The following PRPF40B variants were observed in gnomAD, a reference collection of about 807,000 sequenced individuals.
PRPF40B encodes the protein pre-mRNA-processing factor 40 homolog B.
In PRPF40B, 56 loss-of-function variants were observed where a neutral mutation model predicts 124.5. The observed-to-expected ratio is 0.45, with a 90% CI of 0.36 to 0.56. The LOEUF is 0.56. Among genes scored for constraint, PRPF40B ranks in the 20% least tolerant of loss-of-function variants. The pLI is 0.00. For synonymous variants in PRPF40B, 443 were observed against 426.4 expected, an observed-to-expected ratio of 1.04 and a Z score of -0.48; for missense variants, 1,053 against 1,169.5, an observed-to-expected ratio of 0.90 and a Z score of 1.45.
At chr12:49,634,131 C>CA in intron 10 of PRPF40B, 39 bp downstream of exon 10, 1 of 1,599,448 alleles carries the variant, frequency 6.3e-7, no homozygotes, top group African/African-American at 1.3e-5. Context: ...ATGTTGGCCT[C>CA]AGACTCCCAG....
rs936054893 is a variant in PRPF40B, at chr12:49,634,644, AGCTGT to A, written c.1001+46_1001+50del. On this transcript the variant is annotated intron_variant, in intron 12 of 25. Coordinates refer to ENST00000548825, the MANE Select transcript of PRPF40B (RefSeq NM_001031698.3). ...GGAGCCAGGCCCTGTTCATGAGAGC[AGCTGT>A]GCTAGGGACTCCCTAAAAAACCCCA... 1.1e-5 allele frequency: 17 copies of A among 1,612,290 alleles called. No individual in the cohort carries two copies. The African/African-American group carries it at 2.1e-4, about 20-fold the overall frequency.
chr12:49,635,590 C>A lies in PRPF40B; in HGVS notation c.1275+117C>A, dbSNP rs1848411122. 1.9e-6 allele frequency: 2 copies of A among 1,073,680 alleles called. No homozygotes were observed. Among genetic ancestry groups the A allele is most frequent in the African/African-American group, 1.6e-5 (1 of 63,006 alleles). The allele number at this position is 1,073,680 out of a possible 1,614,324, so 66.5% of individuals were successfully genotyped here. A position where few individuals can be genotyped will look rare whatever the true frequency, so the allele number is the denominator to read the frequency against. ...ACTTCCCCAGTGTCCCAGCTTCTGA[C>A]TTGGAAGCTGGTATGGGACTTGCAC... On this transcript the variant is annotated intron_variant, in intron 14 of 25. Transcript: ENST00000548825. The surrounding 1 kb of genome is among the most constrained non-coding windows in gnomAD (Gnocchi z 4.1).
At chr12:49,623,053 C>CTTT (rs76184248), upstream of PRPF40B, among the ~76,000 whole-genome samples, 1 of 139,984 alleles carries the variant, frequency 7.1e-6, no homozygotes, top group Non-Finnish European at 1.6e-5. Context: ...GGGGATTTGT[C>CTTT]TTTTTTTTTT....
Position 49,642,639 on chromosome 12 carries a change from G to A in PRPF40B, c.2082G>A (p.Arg694=). Residue 694 remains arginine (R), a synonymous_variant, in exon 21 of 26, where the codon CGG becomes CGA. Transcript: ENST00000548825. This position sits in a 1 kb window ranked among gnomAD's most constrained non-coding sequence, Gnocchi z 5.8. ...AGCAGATCACCCTGGAGTCGGAGCG[G>A]ATCCGGCTCTTCCGGGAGTTCCTAC... ...AFEQITLESE[R]IRLFREFLQV... is the part of the protein sequence containing the mutation. 1 of 1,614,226 alleles carries A rather than the reference G, an allele frequency of 6.2e-7. No homozygotes were observed. The highest frequency in any genetic ancestry group is 8.5e-7 in the Non-Finnish European group (1 of 1,180,044).
Position 49,644,315 on chromosome 12 carries a change from C to A in PRPF40B, c.*123C>A. On this transcript the variant is annotated 3_prime_UTR_variant, in exon 26 of 26. Coordinates refer to ENST00000548825, the MANE Select transcript of PRPF40B (RefSeq NM_001031698.3). The stretch of plus-strand genomic sequence containing the variant: ...TCCACTTTTTCTAAAGTAACCCCAC[C>A]CCCAGCACACCATTGTTGGCACCTC... 2.8e-6 allele frequency: 3 copies of A among 1,063,176 alleles called. No homozygotes were observed. Among genetic ancestry groups the A allele is most frequent in the South Asian group, 1.4e-5 (1 of 70,130 alleles). 65.9% of individuals were successfully genotyped at this position (1,063,176 alleles called of 1,614,324 possible).
rs376648517 is a variant in PRPF40B, at chr12:49,632,996, G to GCCCC, written c.349-10_349-7dup. 2.6e-6 allele frequency: 3 copies of GCCCC among 1,148,382 alleles called. No individual in the cohort carries two copies. The highest frequency in any genetic ancestry group is 3.1e-5 in the East Asian group (1 of 32,446). 71.1% of individuals were successfully genotyped at this position (1,148,382 alleles called of 1,614,324 possible). A position where few individuals can be genotyped will look rare whatever the true frequency, so the allele number is the denominator to read the frequency against. On this transcript the variant is annotated splice_polypyrimidine_tract_variant and intron_variant, in intron 6 of 25. Coordinates refer to ENST00000548825, the MANE Select transcript of PRPF40B (RefSeq NM_001031698.3). ...AAAGGGGCCTTGACCACCATTCTGT[G>GCCCC]CCCCCCCCCCCACCCAGAGGGCCCT...
chr12:49,633,751 G>A, intron 9 of PRPF40B, 90 bp downstream of exon 9: 1 of 1,607,538 alleles, frequency 6.2e-7, no homozygotes, highest in Non-Finnish European at 8.5e-7. Context: ...ACTGTGGGAG[G>A]AAGAGCCAGC....
In PRPF40B at chr12:49,643,313, C is replaced by A; in HGVS notation, c.2296C>A (p.Pro766Thr). ...GAACCCCTCAGAGTCAGGCTCTGAG[C>A]CCTCTTCCTCACTTGATTCAGTTGA... The part of the protein sequence containing the change: ...RRNPSESGSE[P>T]SSSLDSVESG... Residue 766 changes from proline to threonine, a missense_variant, in exon 23 of 26, where the codon CCC (proline) becomes ACC (threonine). Coordinates refer to ENST00000548825, the MANE Select transcript of PRPF40B (RefSeq NM_001031698.3). 1 of 1,610,468 alleles carries A rather than the reference C, an allele frequency of 6.2e-7. No homozygotes were observed. Among genetic ancestry groups the A allele is most frequent in the Non-Finnish European group, 8.5e-7 (1 of 1,178,606 alleles).
intron 15 of PRPF40B, 123 bp from the exon 16 acceptor site, chr12:49,636,593 T>G (rs1941836800): frequency 5.8e-6 from 8 of 1,382,378 alleles, no homozygotes; most frequent in Non-Finnish European, 8.0e-6. Flanking sequence ...TCCAGGCCCT[T>G]CCCCCACCAC....
In PRPF40B at chr12:49,635,992, G is replaced by C; in HGVS notation, c.1425G>C (p.Gln475His). 2 of 1,614,064 alleles carry C rather than the reference G, an allele frequency of 1.2e-6. No homozygotes were observed. Among genetic ancestry groups the C allele is most frequent in the Admixed American group, 1.7e-5 (1 of 60,014 alleles). Residue 475 changes from glutamine (Q) to histidine (H), a missense_variant and splice_region_variant, in exon 15 of 26, where the codon CAG becomes CAC. Gln to His is a conservative substitution (Grantham distance 24). Transcript: ENST00000548825. This position sits in a 1 kb window ranked among gnomAD's most constrained non-coding sequence, Gnocchi z 4.1. ...NPSFAQDHQL[Q>H]NMDKEDALIC... Reference sequence around the variant, plus strand: ...GCTTTGCTCAGGACCATCAGCTGCAGAGTAAGCCTGGGCCTCCAATCCCAG... The same window carrying C: ...GCTTTGCTCAGGACCATCAGCTGCACAGTAAGCCTGGGCCTCCAATCCCAG...
upstream of PRPF40B, chr12:49,623,552 G>T: frequency 8.0e-7 from 1 of 1,242,428 alleles, no homozygotes; most frequent in Non-Finnish European, 1.0e-6. Flanking sequence ...TCTTACTGGC[G>T]GGTGGGCTGA....
In PRPF40B at chr12:49,631,643, A is replaced by C; in HGVS notation, c.228+99A>C. ...TGTAGGCCTCAGAAACTGGGGAAGGAAGGGAGCTTTGGGCCAAACCCATGT... is the reference window on the plus strand; with the variant it reads ...TGTAGGCCTCAGAAACTGGGGAAGGCAGGGAGCTTTGGGCCAAACCCATGT... On this transcript the variant is annotated intron_variant, in intron 3 of 25. Transcript: ENST00000548825. The surrounding 1 kb of genome is among the most constrained non-coding windows in gnomAD (Gnocchi z 4.3). The C allele has an allele frequency of 6.9e-7, 1 of 1,443,916 alleles. No homozygotes were observed. Among genetic ancestry groups the C allele is most frequent in the African/African-American group, 1.4e-5 (1 of 70,346 alleles). The allele number at this position is 1,443,916 out of a possible 1,614,324, so 89.4% of individuals were successfully genotyped here. A position where few individuals can be genotyped will look rare whatever the true frequency, so the allele number is the denominator to read the frequency against.
In PRPF40B at chr12:49,643,460, C is replaced by T; in HGVS notation, c.2380+63C>T. 2.0e-6 allele frequency: 3 copies of T among 1,509,744 alleles called. No individual in the cohort carries two copies. In the South Asian group the frequency reaches 4.0e-5, roughly 20 times the overall value. 93.5% of individuals were successfully genotyped at this position (1,509,744 alleles called of 1,614,324 possible). A position where few individuals can be genotyped will look rare whatever the true frequency, so the allele number is the denominator to read the frequency against. On this transcript the variant is annotated intron_variant, in intron 23 of 25. Transcript: ENST00000548825. ...TTGTCCCAGACTGAGAGGATGCCCT[C>T]CACAAGCCCCAGCTCCTTTGAGGGT...
chr12:49,636,711 T>G lies in PRPF40B; in HGVS notation c.1427-5T>G, dbSNP rs769423273. On this transcript the variant is annotated splice_polypyrimidine_tract_variant and splice_region_variant and intron_variant, in intron 15 of 25. Coordinates refer to ENST00000548825, the MANE Select transcript of PRPF40B (RefSeq NM_001031698.3). ...ATGCCCGCGGAACCTCCTGCCTGTC[T>G]TTAGACATGGACAAGGAAGATGCAC... 1 of 1,613,916 alleles carries G rather than the reference T, an allele frequency of 6.2e-7. No homozygotes were observed. The highest frequency in any genetic ancestry group is 8.5e-7 in the Non-Finnish European group (1 of 1,179,926).
chr12:49,641,075 A>C (rs1942574853), intron 18 of PRPF40B: 1 of 152,218 alleles, frequency 6.6e-6, no homozygotes, highest in Non-Finnish European at 1.5e-5. Context: ...CTGACGTGAG[A>C]GCCAGACTTT....
At chr12:49,623,556 G>A, upstream of PRPF40B, 1 of 1,240,422 alleles carries the variant, frequency 8.1e-7, no homozygotes, top group Non-Finnish European at 1.0e-6. Flanking sequence ...ACTGGCGGGT[G>A]GGCTGAGCCG....
rs1409209899 is a variant in PRPF40B, at chr12:49,635,252, C to G, written c.1155C>G (p.Thr385=). ...FLEQHERMTS[T]TRYRRAEQTF... is the part of the protein sequence containing the mutation. ...AGCAGCATGAACGCATGACCTCCACCACCCGCTACCGGTCAGGGGGCCAGG... is the reference window on the plus strand; with the variant it reads ...AGCAGCATGAACGCATGACCTCCACGACCCGCTACCGGTCAGGGGGCCAGG... The change falls in exon 13 of 26, where the codon ACC becomes ACG. Residue 385 remains threonine (T), a synonymous_variant. Transcript: ENST00000548825. The surrounding 1 kb of genome is among the most constrained non-coding windows in gnomAD (Gnocchi z 4.1). The G allele has an allele frequency of 6.2e-7, 1 of 1,613,172 alleles. No homozygotes were observed. Among genetic ancestry groups the G allele is most frequent in the East Asian group, 2.2e-5 (1 of 44,880 alleles).
chr12:49,628,133 CAG>C (rs1245983330), intron 1 of PRPF40B, among the ~76,000 whole-genome samples: 1 of 152,172 alleles, frequency 6.6e-6, no homozygotes, highest in Non-Finnish European at 1.5e-5. Context: ...AGGAAAGCGT[CAG>C]GGGCAAGAGC....
rs1941329596 is a variant in PRPF40B at position 49,632,606 on chromosome 12, G to A, written c.305G>A (p.Gly102Asp). ...AVPVTAATAP[G>D]ADTASSAVAG... The stretch of plus-strand genomic sequence containing the variant: ...CTCTTTCTTCGGCAGACGGCTCCGG[G>A]TGCGGACACCGCCAGCTGTGAGTCT... The change falls in exon 5 of 26, where the codon GGT becomes GAT. Residue 102 changes from glycine (G) to aspartate (D), a missense_variant. Around this residue, in one of 2 missense-constraint regions of PRPF40B, gnomAD observed 895 missense variants for 1,052.2 expected, o/e 0.85. Coordinates refer to ENST00000548825, the MANE Select transcript of PRPF40B (RefSeq NM_001031698.3). 29 of 1,613,830 alleles carry A rather than the reference G, an allele frequency of 1.8e-5. No homozygotes were observed. The highest frequency in any genetic ancestry group is 2.4e-5 in the Non-Finnish European group (28 of 1,179,930).
Sources: gnomAD v4.1 joint callset for allele counts (sites outside exome capture counted in the v4.1 genomes callset) on GRCh38, gnomAD v4.1.1 for gene constraint, gnomAD v4.1.1 regional missense constraint, Gnocchi (gnomAD v3.1) non-coding constraint, MANE v1.5 for transcripts, NCBI Gene and HGNC (gene_info 2026-07-23, HGNC 2026-07-21) for gene names.